LARP4B: variants seen among roughly 807,000 people sequenced by gnomAD.
LARP4B encodes la-related protein 4B.
A neutral mutation model predicts 89.8 loss-of-function variants in LARP4B; 12 were observed. That is an observed-to-expected ratio of 0.13 (90% CI 0.09 to 0.22). The LOEUF (loss-of-function observed/expected upper bound fraction) is 0.22. LARP4B is among the 10% of genes least tolerant of loss of function. LARP4B has a pLI of 1.00. For synonymous variants in LARP4B, 367 were observed against 363.3 expected, an observed-to-expected ratio of 1.01 and a Z score of -0.12; for missense variants, 757 against 947.7, an observed-to-expected ratio of 0.80 and a Z score of 2.64.
chr10:873,974 G>A (rs1434896936), intron 3 of LARP4B, among the ~76,000 whole-genome samples: 1 of 152,228 alleles, frequency 6.6e-6, no homozygotes, highest in Non-Finnish European at 1.5e-5. Context: ...GCTCATGCCT[G>A]TAATCCCAGC....
intron 5 of LARP4B, among the ~76,000 whole-genome samples, chr10:858,636 T>C (rs958573144): frequency 3.9e-5 from 6 of 152,330 alleles, no homozygotes; most frequent in African/African-American, 2.4e-5. Flanking sequence ...ATAATTGTGA[T>C]TGATGTATCT....
At chr10:899,010 G>A (rs1014340611) in intron 1 of LARP4B, among the ~76,000 whole-genome samples, 7 of 152,132 alleles carry the variant, frequency 4.6e-5, no homozygotes, top group Non-Finnish European at 1.5e-5. Context: ...TCCTTAGCTC[G>A]TCTTCATTCC....
chr10:894,709 A>C (rs183090313), intron 1 of LARP4B, among the ~76,000 whole-genome samples: 1 of 152,346 alleles, frequency 6.6e-6, no homozygotes, highest in Admixed American at 6.5e-5. Flanking sequence ...AGAAACTAAA[A>C]GACTCATGAA....
At chr10:972,031 A>AT in the LARP4B span, 89 of 148,184 alleles carry the variant, frequency 6.0e-4, no homozygotes, top group South Asian at 2.7e-3. Flanking sequence ...CTCTCTCTTT[A>AT]TTTTTTTTTT....
chr10:839,740 G>A (rs762915009), intron 7 of LARP4B, among the ~76,000 whole-genome samples: 1 of 152,196 alleles, frequency 6.6e-6, no homozygotes, highest in Non-Finnish European at 1.5e-5. Context: ...ACAGGCAGGT[G>A]GTTTCACAGT....
intron 5 of LARP4B, among the ~76,000 whole-genome samples, chr10:862,529 G>C (rs976516973): frequency 6.6e-6 from 1 of 152,168 alleles, no homozygotes; most frequent in Non-Finnish European, 1.5e-5. Context: ...GAGAGGCCGA[G>C]GCGGGCAGAT....
At position 834,061 on chromosome 10, in the gene LARP4B, T is replaced by C. The variant is rs200068121; in HGVS notation, c.750+2342A>G. On this transcript the variant is annotated intron_variant, in intron 8 of 17. Transcript: ENST00000316157. ...CAATCAAGGAACGTGAGAGTGGCTA[T>C]ATTCATTCCAAATTCCAGAGGAAAA... is the stretch of plus-strand genomic sequence containing the variant. Among the ~76,000 whole-genome samples the C allele has an allele frequency of 9.2e-5, 14 of 152,280 alleles. No individual in the cohort carries two copies. The East Asian group carries it at 2.7e-3, about 29-fold the overall frequency.
chr10:879,696 G>C (rs1379170309), intron 3 of LARP4B, among the ~76,000 whole-genome samples: 1 of 152,004 alleles, frequency 6.6e-6, no homozygotes, highest in African/African-American at 2.4e-5. Flanking sequence ...TCTTGAACTG[G>C]GCTCAAGAAA....
chr10:878,719 A>T (rs922860604), intron 3 of LARP4B, among the ~76,000 whole-genome samples: 1 of 152,234 alleles, frequency 6.6e-6, no homozygotes, highest in Non-Finnish European at 1.5e-5. Context: ...ACTCCGACAC[A>T]TCTGTCGCTT....
At chr10:827,968 G>A (rs4242803) in intron 11 of LARP4B, among the ~76,000 whole-genome samples, 150,208 of 152,356 alleles carry the variant, frequency 0.99, 74,080 homozygotes, top group Middle Eastern at 1. Context: ...CTTACACTGC[G>A]GTGGTTCCAG....
intron 1 of LARP4B, among the ~76,000 whole-genome samples, chr10:888,627 T>G (rs1443864001): frequency 6.6e-6 from 1 of 152,080 alleles, no homozygotes; most frequent in Non-Finnish European, 1.5e-5. Flanking sequence ...TTCTAATATT[T>G]AAAATGGCAA....
At chr10:819,575 C>T (rs1439855462) in intron 14 of LARP4B, 1 of 152,314 alleles carries the variant, frequency 6.6e-6, no homozygotes, top group Non-Finnish European at 1.5e-5. Flanking sequence ...AAGCAGGTCA[C>T]AGTCATGAAC....
intron 7 of LARP4B, among the ~76,000 whole-genome samples, chr10:840,008 C>A (rs536769579): frequency 6.6e-6 from 1 of 150,536 alleles, no homozygotes; most frequent in South Asian, 2.2e-4. Context: ...TATGCCAGAC[C>A]AAAAGAAAGT....
intron 2 of LARP4B, 72 bp downstream of exon 2, chr10:885,569 A>G: frequency 1.8e-6 from 2 of 1,082,474 alleles, no homozygotes; most frequent in Non-Finnish European, 1.4e-6. Context: ...AGAACTCCTT[A>G]CTAACTCCAA....
intron 3 of LARP4B, among the ~76,000 whole-genome samples, chr10:880,008 AG>A (rs755505487): frequency 9.2e-5 from 14 of 152,002 alleles, no homozygotes; most frequent in East Asian, 1.9e-4. Flanking sequence ...TCCTGACCTC[AG>A]GTGATCCGCC....
intron 5 of LARP4B, among the ~76,000 whole-genome samples, chr10:854,655 T>C (rs1264534662): frequency 6.6e-6 from 1 of 152,180 alleles, no homozygotes; most frequent in African/African-American, 2.4e-5. Flanking sequence ...AGATGTCCTG[T>C]CATCCAGGCT....
At chr10:951,848 C>T in the LARP4B span, among the ~76,000 whole-genome samples, 1 of 150,216 alleles carries the variant, frequency 6.7e-6, no homozygotes, top group African/African-American at 2.5e-5. Context: ...AGGAAGAAAT[C>T]GCAGCAGCCC....
intron 1 of LARP4B, among the ~76,000 whole-genome samples, chr10:913,448 T>C (rs1564443925): frequency 6.6e-6 from 1 of 152,242 alleles, no homozygotes; most frequent in Non-Finnish European, 1.5e-5. Flanking sequence ...AAATGTCTTT[T>C]AGTTCATGAC....
At chr10:972,880 G>A in the LARP4B span, 1 of 456,874 alleles carries the variant, frequency 2.2e-6, no homozygotes, top group South Asian at 1.5e-5. Flanking sequence ...TCTGTCTGTT[G>A]TTTGTTTGGA....
Sources: allele counts gnomAD v4.1 joint callset (sites outside exome capture counted in the v4.1 genomes callset), GRCh38; gene constraint gnomAD v4.1.1; transcripts MANE v1.5; gene names NCBI Gene and HGNC (gene_info 2026-07-23, HGNC 2026-07-21).